DNAL1: variants seen among roughly 807,000 people sequenced by gnomAD.
DNAL1 encodes chromosome 14 open reading frame 168.
In DNAL1, 17 loss-of-function variants were observed where a neutral mutation model predicts 29.4. The ratio of observed to expected loss-of-function variants is 0.58; its 90% confidence interval spans 0.40 to 0.87. The LOEUF (loss-of-function observed/expected upper bound fraction) is 0.87, where lower values mean the gene tolerates loss of function less well. Among genes scored for constraint, DNAL1 ranks in the 40% least tolerant of loss-of-function variants. The probability of loss-of-function intolerance (pLI) is 0.00; values close to 1 mark genes in which losing one functional copy is unlikely to be tolerated. For missense variants in DNAL1, 188 were observed against 214.1 expected (o/e 0.88, Z 0.76); for synonymous variants, 78 against 76.3 (o/e 1.02, Z -0.12).
At chr14:73,661,253 C>T (rs1891349757) in intron 3 of DNAL1, among the ~76,000 whole-genome samples, 2 of 152,130 alleles carry the variant, frequency 1.3e-5, no homozygotes, top group Non-Finnish European at 2.9e-5. Flanking sequence ...GCCCTATCTC[C>T]TTTGTTTTAG....
intron 5 of DNAL1, among the ~76,000 whole-genome samples, chr14:73,672,018 G>C (rs565440257): frequency 1.3e-5 from 2 of 152,252 alleles, no homozygotes; most frequent in East Asian, 3.9e-4. Flanking sequence ...CTGAAATTTT[G>C]TATGGCCCTG....
At chr14:73,690,037 CAAAA>C (rs569314573) in intron 7 of DNAL1, among the ~76,000 whole-genome samples, 1 of 33,294 alleles carries the variant, frequency 3.0e-5, no homozygotes. Context: ...AATTCCGTCT[CAAAA>C]AAAAAAAAAA....
chr14:73,646,453 A>T (rs1009173288), intron 1 of DNAL1, among the ~76,000 whole-genome samples: 1 of 148,384 alleles, frequency 6.7e-6, no homozygotes, highest in African/African-American at 2.4e-5. Flanking sequence ...GTATTTAAAC[A>T]TAGAAAAGCG....
chr14:73,664,870 AT>A (rs1294463043), intron 4 of DNAL1, among the ~76,000 whole-genome samples: 2 of 138,458 alleles, frequency 1.4e-5, no homozygotes, highest in South Asian at 2.7e-4. Flanking sequence ...AAAAAAAAAA[AT>A]AAAAAAAAAT....
At position 73,654,869 on chromosome 14, in the gene DNAL1, A is replaced by C. The variant is rs1891179637; in HGVS notation, c.26A>C (p.Glu9Ala). Residue 9 changes from glutamate to alanine, a missense_variant, in exon 2 of 8, where the codon GAA becomes GCA. Coordinates refer to ENST00000553645, the MANE Select transcript of DNAL1 (RefSeq NM_031427.4). The stretch of plus-strand genomic sequence containing the variant: ...AAGGCGAAAGCAACAACAATCAAAG[A>C]AGCCTTAGCGAGATGGGTGAGTACA... The part of the protein sequence containing the change: MAKATTIK[E>A]ALARWEEKTG... 1 of 1,535,922 alleles carries C rather than the reference A, an allele frequency of 6.5e-7. No homozygotes were observed. Among genetic ancestry groups the C allele is most frequent in the Non-Finnish European group, 8.7e-7 (1 of 1,143,102 alleles).
chr14:73,678,506 G>T (rs1380144653), intron 5 of DNAL1, among the ~76,000 whole-genome samples: 9 of 141,026 alleles, frequency 6.4e-5, no homozygotes, highest in Non-Finnish European at 9.1e-5. Context: ...TAGTGAGCAG[G>T]TATTCTTTTT....
At chr14:73,659,320 G>A (rs1354511546) in intron 3 of DNAL1, among the ~76,000 whole-genome samples, 6 of 151,630 alleles carry the variant, frequency 4.0e-5, no homozygotes, top group Non-Finnish European at 8.8e-5. Flanking sequence ...ATGCCACCAC[G>A]CCCAGCAATT....
intron 5 of DNAL1, among the ~76,000 whole-genome samples, chr14:73,675,130 A>G (rs1339870583): frequency 6.6e-6 from 1 of 151,692 alleles, no homozygotes; most frequent in Non-Finnish European, 1.5e-5. Flanking sequence ...AACTCCTACC[A>G]GTTGTAATTT....
At chr14:73,668,741 A>T (rs1891545328) in intron 4 of DNAL1, among the ~76,000 whole-genome samples, 2 of 151,942 alleles carry the variant, frequency 1.3e-5, no homozygotes, top group African/African-American at 4.8e-5. Context: ...CAATGGCACG[A>T]TCTTGGCTCA....
chr14:73,688,479 C>G (rs116786210), intron 6 of DNAL1, among the ~76,000 whole-genome samples: 1 of 151,966 alleles, frequency 6.6e-6, no homozygotes, highest in Non-Finnish European at 1.5e-5. Flanking sequence ...AAAACATAGC[C>G]AGGTGTGGTG....
chr14:73,667,174 T>C (rs1891507195), intron 4 of DNAL1, among the ~76,000 whole-genome samples: 1 of 151,800 alleles, frequency 6.6e-6, no homozygotes, highest in Non-Finnish European at 1.5e-5. Context: ...TTTAATTTAA[T>C]TTTATGGCTG....
chr14:73,693,511 T>G (rs1392823739), intron 7 of DNAL1, among the ~76,000 whole-genome samples: 2 of 152,146 alleles, frequency 1.3e-5, no homozygotes, highest in Non-Finnish European at 2.9e-5. Context: ...TGAATTAAAA[T>G]TTTACACAAC....
intron 4 of DNAL1, among the ~76,000 whole-genome samples, chr14:73,670,035 G>A (rs543862942): frequency 6.6e-6 from 1 of 151,978 alleles, no homozygotes; most frequent in East Asian, 1.9e-4. Context: ...TACTTACCAT[G>A]GGTTACACAT....
chr14:73,656,874 G>C (rs1363378962), intron 2 of DNAL1, among the ~76,000 whole-genome samples: 1 of 152,000 alleles, frequency 6.6e-6, no homozygotes, highest in Non-Finnish European at 1.5e-5. Flanking sequence ...GAGTGGATAT[G>C]TATTAGATCT....
chr14:73,649,287 T>A (rs1217764718), intron 1 of DNAL1, among the ~76,000 whole-genome samples: 3 of 133,006 alleles, frequency 2.3e-5, no homozygotes, highest in African/African-American at 9.0e-5. Context: ...GTGTTTGACA[T>A]TTTTTTTTTT....
chr14:73,651,464 A>G (rs1891112412), intron 1 of DNAL1: 2 of 152,230 alleles, frequency 1.3e-5, no homozygotes, highest in African/African-American at 2.4e-5. Context: ...GTAGAACTCA[A>G]TTGTAAAAGT....
In DNAL1 at chr14:73,695,119, A is replaced by G. The variant is rs1892273084; in HGVS notation, c.533-783A>G. Among the ~76,000 whole-genome samples the G allele has an allele frequency of 2.2e-5, 3 of 135,494 alleles. No individual in the cohort carries two copies. In the South Asian group the frequency reaches 6.8e-4, roughly 31 times the overall value. The allele number at this position is 135,494 out of a possible 152,430, so 88.9% of individuals were successfully genotyped here. On this transcript the variant is annotated intron_variant, in intron 7 of 7. Transcript: ENST00000553645. Reference sequence around the variant, plus strand: ...CACCCAGGCTGGAGTGCAGTGGCATAATTACAGCTCACCATAGCCTGGACA... The same window carrying G: ...CACCCAGGCTGGAGTGCAGTGGCATGATTACAGCTCACCATAGCCTGGACA...
intron 5 of DNAL1, among the ~76,000 whole-genome samples, chr14:73,675,929 C>A (rs767693891): frequency 6.6e-6 from 1 of 152,044 alleles, no homozygotes; most frequent in Non-Finnish European, 1.5e-5. Flanking sequence ...ACAGGAGAAT[C>A]GCTTGAATCC....
intron 7 of DNAL1, among the ~76,000 whole-genome samples, chr14:73,690,108 G>A (rs1892134895): frequency 1.3e-5 from 2 of 151,784 alleles, no homozygotes; most frequent in Non-Finnish European, 1.5e-5. Flanking sequence ...ACAGTGGCAC[G>A]TTTCTGTAGT....
Sources: gnomAD v4.1 joint callset for allele counts (sites outside exome capture counted in the v4.1 genomes callset) on GRCh38, gnomAD v4.1.1 for gene constraint, MANE v1.5 for transcripts, NCBI Gene and HGNC (gene_info 2026-07-23, HGNC 2026-07-21) for gene names.